The following ADCY8 variants were observed in gnomAD, a reference collection of about 807,000 sequenced individuals.
The protein encoded by ADCY8 is adenylate cyclase type 8.
Under a neutral mutation model 119.7 loss-of-function variants are expected in ADCY8, and 51 were observed. The observed-to-expected ratio is 0.43, with a 90% CI of 0.34 to 0.54. The LOEUF (loss-of-function observed/expected upper bound fraction) is 0.54, where lower values mean the gene tolerates loss of function less well. Among genes scored for constraint, ADCY8 ranks in the 20% least tolerant of loss-of-function variants. The probability of loss-of-function intolerance (pLI) is 0.03; values close to 1 mark genes in which losing one functional copy is unlikely to be tolerated. For missense variants in ADCY8, 1,383 were observed against 1,598.8 expected (o/e 0.87, Z 2.30); for synonymous variants, 665 against 651.0 (o/e 1.02, Z -0.33).
chr8:130,956,274 G>A (rs1435415552), intron 2 of ADCY8, among the ~76,000 whole-genome samples: 1 of 152,214 alleles, frequency 6.6e-6, no homozygotes. Flanking sequence ...ATCCTATAGT[G>A]AGAGATAGTC....
chr8:130,869,510 T>TTTTTTTTG, intron 8 of ADCY8, among the ~76,000 whole-genome samples: 1 of 111,428 alleles, frequency 9.0e-6, no homozygotes, highest in African/African-American at 3.8e-5. Flanking sequence ...TTTTGTTTAT[T>TTTTTTTTG]TTTTTTTGTT....
chr8:130,947,568 C>G (rs866677718), intron 3 of ADCY8, among the ~76,000 whole-genome samples: 26 of 152,160 alleles, frequency 1.7e-4, no homozygotes, highest in African/African-American at 5.6e-4. Flanking sequence ...AAACTCTAGT[C>G]TACAGGACAG....
At chr8:131,031,334 G>A (rs1823990748) in intron 1 of ADCY8, among the ~76,000 whole-genome samples, 1 of 152,156 alleles carries the variant, frequency 6.6e-6, no homozygotes, top group African/African-American at 2.4e-5. Context: ...CTATCCATTG[G>A]TCTTAATTCC....
chr8:131,012,372 C>T (rs542612363), intron 1 of ADCY8, among the ~76,000 whole-genome samples: 2 of 152,302 alleles, frequency 1.3e-5, no homozygotes, highest in South Asian at 2.1e-4. Flanking sequence ...GAATAATGTA[C>T]ATCGGTTGGT....
intron 3 of ADCY8, among the ~76,000 whole-genome samples, chr8:130,946,602 T>C (rs996248894): frequency 1.3e-5 from 2 of 152,166 alleles, no homozygotes; most frequent in Non-Finnish European, 2.9e-5. Context: ...CACTTAACTC[T>C]CAATAGCACA....
intron 3 of ADCY8, 25 bp from the exon 4 acceptor site, chr8:130,943,487 G>A (rs1821022220): frequency 6.3e-6 from 5 of 791,076 alleles, no homozygotes; most frequent in East Asian, 3.7e-5. Context: ...GAGGGTGGGG[G>A]TGGGGGGAGG....
intron 7 of ADCY8, among the ~76,000 whole-genome samples, chr8:130,896,251 A>C (rs1819383442): frequency 6.6e-6 from 1 of 152,026 alleles, no homozygotes; most frequent in African/African-American, 2.4e-5. Flanking sequence ...TGCTTGCCCC[A>C]CCTTCGTCTC....
chr8:130,788,193 A>G (rs557260445), intron 15 of ADCY8, among the ~76,000 whole-genome samples: 1 of 152,344 alleles, frequency 6.6e-6, no homozygotes, highest in African/African-American at 2.4e-5. Flanking sequence ...TTCCTTTGGC[A>G]TATTGATTTC....
chr8:130,968,087 G>C (rs922054154), intron 2 of ADCY8, among the ~76,000 whole-genome samples: 1 of 152,136 alleles, frequency 6.6e-6, no homozygotes, highest in African/African-American at 2.4e-5. Context: ...AGAATGAAGA[G>C]TGGTCTGTAC....
At chr8:131,021,144 A>G (rs1052059655) in intron 1 of ADCY8, among the ~76,000 whole-genome samples, 3 of 152,204 alleles carry the variant, frequency 2.0e-5, no homozygotes, top group Non-Finnish European at 4.4e-5. Flanking sequence ...TATTGATTAG[A>G]AATTATATTA....
At chr8:130,850,891 C>A (rs1817503943) in intron 9 of ADCY8, among the ~76,000 whole-genome samples, 1 of 152,130 alleles carries the variant, frequency 6.6e-6, no homozygotes. Flanking sequence ...CTATGCTGAG[C>A]ATTTTATATA....
chr8:131,022,491 ATG>A, intron 1 of ADCY8, among the ~76,000 whole-genome samples: 1 of 152,320 alleles, frequency 6.6e-6, no homozygotes, highest in Admixed American at 6.5e-5. Flanking sequence ...CATGGTGTAT[ATG>A]TGCCAAATTT....
At chr8:131,015,753 C>T (rs1423023413) in intron 1 of ADCY8, among the ~76,000 whole-genome samples, 4 of 152,050 alleles carry the variant, frequency 2.6e-5, no homozygotes, top group Non-Finnish European at 5.9e-5. Flanking sequence ...ATTATATCCA[C>T]GTCTAGGTGT....
At chr8:130,937,679 A>G (rs542348558) in intron 4 of ADCY8, among the ~76,000 whole-genome samples, 2 of 152,368 alleles carry the variant, frequency 1.3e-5, no homozygotes, top group African/African-American at 4.8e-5. Flanking sequence ...GTTCCTTTCC[A>G]GCAAGGACAT....
intron 2 of ADCY8, among the ~76,000 whole-genome samples, chr8:130,978,904 G>T (rs768031510): frequency 1.3e-5 from 2 of 152,092 alleles, no homozygotes; most frequent in African/African-American, 2.4e-5. Context: ...AATTTTGATT[G>T]GATTTTAATG....
chr8:130,938,380 C>T (rs1385982664), intron 4 of ADCY8, among the ~76,000 whole-genome samples: 1 of 152,162 alleles, frequency 6.6e-6, no homozygotes, highest in Non-Finnish European at 1.5e-5. Context: ...CTTCACATAT[C>T]TGTTTTTCAT....
intron 2 of ADCY8, among the ~76,000 whole-genome samples, chr8:130,974,757 A>G (rs1268642587): frequency 6.6e-6 from 1 of 152,224 alleles, no homozygotes; most frequent in African/African-American, 2.4e-5. Flanking sequence ...TTTGCCAGTT[A>G]GATGCACCCC....
chr8:130,953,062 A>G (rs1223062203), intron 2 of ADCY8, among the ~76,000 whole-genome samples: 1 of 152,226 alleles, frequency 6.6e-6, no homozygotes, highest in African/African-American at 2.4e-5. Flanking sequence ...TAAATTCTAA[A>G]AAGTCTTTGT....
chr8:130,812,162 G>T (rs190525), intron 14 of ADCY8, among the ~76,000 whole-genome samples: 120,156 of 152,002 alleles, frequency 0.79, 47,866 homozygotes, highest in East Asian at 0.92. Context: ...GCCTGGCTTT[G>T]TGTTGCATGA....
Sources: allele counts gnomAD v4.1 joint callset (sites outside exome capture counted in the v4.1 genomes callset), GRCh38; gene constraint gnomAD v4.1.1; transcripts MANE v1.5; gene names NCBI Gene and HGNC (gene_info 2026-07-23, HGNC 2026-07-21).